Variants in KLHL5 observed in about 807,000 individuals in gnomAD.
KLHL5 encodes the protein kelch like family member 5.
KLHL5 carries 48 observed loss-of-function variants against 77.7 expected under a neutral mutation model. The ratio of observed to expected loss-of-function variants is 0.62; its 90% CI spans 0.49 to 0.79. KLHL5 has a LOEUF of 0.79. Ranked by LOEUF, KLHL5 falls within the 30% of genes least tolerant of loss-of-function variation. The pLI is 0.00. For missense variants in KLHL5, 723 were observed against 859.7 expected, an observed-to-expected ratio of 0.84 and a Z score of 1.99; for synonymous variants, 260 against 297.0, an observed-to-expected ratio of 0.88 and a Z score of 1.28.
Position 39,107,306 on chromosome 4 carries a change from C to G in KLHL5, c.1526-263C>G, listed in dbSNP as rs909992520. On this transcript the variant is annotated intron_variant, in intron 7 of 10. Coordinates refer to ENST00000504108, the MANE Select transcript of KLHL5 (RefSeq NM_015990.5). ...CAAGTGATCCTCCCACCTGGGACTC[C>G]CAAACCGCTGAGATTACAGGCATAA... Among the ~76,000 whole-genome samples, 13 of 152,056 alleles carry G rather than the reference C, an allele frequency of 8.5e-5. 1 individual carries two copies. The highest frequency in any genetic ancestry group is 1.8e-4 in the Non-Finnish European group (12 of 68,004).
chr4:39,054,387 A>G (rs1716871139), intron 1 of KLHL5, among the ~76,000 whole-genome samples: 1 of 152,148 alleles, frequency 6.6e-6, no homozygotes, highest in Non-Finnish European at 1.5e-5. Flanking sequence ...ATCTATAAGG[A>G]GTGGTGGGCT....
Position 39,125,883 on chromosome 4 carries a change from T to A in KLHL5, c.*4817T>A, listed in dbSNP as rs1723510662. On this transcript the variant is annotated 3_prime_UTR_variant, in exon 11 of 11. Transcript: ENST00000504108. ...GCTACATTATGTTATGATACTTAAA[T>A]GTCATAACAATAGCATTCTGTACGC... is the stretch of plus-strand genomic sequence containing the variant. 1.3e-5 allele frequency among the ~76,000 whole-genome samples: 2 copies of A among 152,220 alleles called. No homozygotes were observed. Among genetic ancestry groups the A allele is most frequent in the African/African-American group, 4.8e-5 (2 of 41,458 alleles).
chr4:39,109,458 C>G (rs1037396774), intron 8 of KLHL5, among the ~76,000 whole-genome samples: 1 of 151,856 alleles, frequency 6.6e-6, no homozygotes, highest in Non-Finnish European at 1.5e-5. Context: ...ACTACCATGT[C>G]CAGCTAATTT....
At chr4:39,126,442 GAAC>G (rs1438633378), downstream of KLHL5, among the ~76,000 whole-genome samples, 63 of 152,104 alleles carry the variant, frequency 4.1e-4, no homozygotes, top group African/African-American at 1.4e-3. Flanking sequence ...TCCTGGGGCT[GAAC>G]AACTTGCAAG....
At chr4:39,112,280 C>T (rs1027101232) in intron 8 of KLHL5, among the ~76,000 whole-genome samples, 3 of 152,116 alleles carry the variant, frequency 2.0e-5, no homozygotes, top group African/African-American at 7.2e-5. Flanking sequence ...ACATGATAAC[C>T]TATATCCTTT....
In KLHL5 at chr4:39,126,090, C is replaced by T. The variant is rs201670996; in HGVS notation, c.*5024C>T. 3.9e-5 allele frequency among the ~76,000 whole-genome samples: 6 copies of T among 152,056 alleles called. No homozygotes were observed. The highest frequency in any genetic ancestry group is 9.7e-5 in the African/African-American group (4 of 41,386). Reference sequence around the variant, plus strand: ...GAGAGTTAACGGGGAACTTCCCCACCGTCCGGTACATGGCAGGCATTCCAC... The same window carrying T: ...GAGAGTTAACGGGGAACTTCCCCACTGTCCGGTACATGGCAGGCATTCCAC... On this transcript the variant is annotated 3_prime_UTR_variant, in exon 11 of 11. Transcript: ENST00000504108.
At chr4:39,053,936 T>G (rs1716834201) in intron 1 of KLHL5, among the ~76,000 whole-genome samples, 1 of 152,220 alleles carries the variant, frequency 6.6e-6, no homozygotes, top group African/African-American at 2.4e-5. Flanking sequence ...GAGAAATCTG[T>G]GAGGCACTTG....
intron 1 of KLHL5, among the ~76,000 whole-genome samples, chr4:39,073,120 T>G (rs1186837339): frequency 6.6e-6 from 1 of 152,186 alleles, no homozygotes; most frequent in African/African-American, 2.4e-5. Flanking sequence ...AATATGGTGT[T>G]CAAATCTCGC....
chr4:39,119,625 T>C (rs1040429028), intron 10 of KLHL5, among the ~76,000 whole-genome samples: 25 of 152,164 alleles, frequency 1.6e-4, no homozygotes, highest in Non-Finnish European at 3.7e-4. Flanking sequence ...GAAGTTTTCC[T>C]TTCAGTGTTC....
At chr4:39,141,417 T>A in the KLHL5 span, among the ~76,000 whole-genome samples, 19 of 148,464 alleles carry the variant, frequency 1.3e-4, no homozygotes, top group South Asian at 4.2e-3. Context: ...CACGCCATTC[T>A]CCTGCCTCAG....
intron 6 of KLHL5, among the ~76,000 whole-genome samples, chr4:39,100,219 C>T (rs1721423871): frequency 6.6e-6 from 1 of 152,156 alleles, no homozygotes; most frequent in African/African-American, 2.4e-5. Flanking sequence ...AAGGCTCATA[C>T]ATACAGTGGA....
At chr4:39,052,243 C>G (rs1405412611) in intron 1 of KLHL5, among the ~76,000 whole-genome samples, 3 of 152,060 alleles carry the variant, frequency 2.0e-5, no homozygotes, top group Non-Finnish European at 4.4e-5. Flanking sequence ...GCCTCAGCCT[C>G]CCGAGTAGCA....
chr4:39,104,105 A>T (rs934566252), intron 7 of KLHL5, among the ~76,000 whole-genome samples: 1 of 152,124 alleles, frequency 6.6e-6, no homozygotes, highest in Admixed American at 6.5e-5. Context: ...ATAGAGAGTA[A>T]TGAAAACTCT....
chr4:39,142,009 G>C, the KLHL5 span, among the ~76,000 whole-genome samples: 1 of 152,124 alleles, frequency 6.6e-6, no homozygotes, highest in African/African-American at 2.4e-5. Flanking sequence ...TTTTATCTCT[G>C]AGCCATTATC....
the KLHL5 span, among the ~76,000 whole-genome samples, chr4:39,136,883 C>T: frequency 5.3e-5 from 8 of 152,190 alleles, no homozygotes; most frequent in African/African-American, 1.9e-4. Flanking sequence ...AGGCCATCCA[C>T]GACGGAGAAC....
chr4:39,079,080 T>G (rs1481336856), intron 2 of KLHL5, among the ~76,000 whole-genome samples: 1 of 152,096 alleles, frequency 6.6e-6, no homozygotes. Flanking sequence ...CAACCCGAAT[T>G]TCATAGAGGC....
At chr4:39,069,237 T>A (rs1256086342) in intron 1 of KLHL5, among the ~76,000 whole-genome samples, 1 of 151,870 alleles carries the variant, frequency 6.6e-6, no homozygotes, top group African/African-American at 2.4e-5. Flanking sequence ...CCACAACTGG[T>A]TACAAAGGAG....
intron 1 of KLHL5, among the ~76,000 whole-genome samples, chr4:39,065,660 A>G (rs529854757): frequency 6.6e-6 from 1 of 152,082 alleles, no homozygotes; most frequent in South Asian, 2.1e-4. Flanking sequence ...GGCCTCATCA[A>G]TTTTTTAAAT....
intron 1 of KLHL5, among the ~76,000 whole-genome samples, chr4:39,050,474 C>G (rs1363553291): frequency 6.6e-6 from 1 of 152,216 alleles, no homozygotes; most frequent in Non-Finnish European, 1.5e-5. Flanking sequence ...TTGCTAGTGT[C>G]TCTCTCTGCA....
Sources: gnomAD v4.1 joint callset for allele counts (sites outside exome capture counted in the v4.1 genomes callset) on GRCh38, gnomAD v4.1.1 for gene constraint, MANE v1.5 for transcripts, NCBI Gene and HGNC (gene_info 2026-07-23, HGNC 2026-07-21) for gene names.